Variants in TLN2 observed in about 807,000 individuals in gnomAD.
The protein encoded by TLN2 is talin 2, also known as talin-2.
TLN2 carries 118 observed loss-of-function variants against 294.7 expected under a neutral mutation model. That is an observed-to-expected ratio of 0.40 (90% CI 0.34 to 0.47). TLN2 has a LOEUF of 0.47. Ranked by LOEUF, TLN2 falls within the 20% of genes least tolerant of loss-of-function variation. TLN2 has a pLI of 0.84. For missense variants in TLN2, 3,083 were observed against 3,282.2 expected (o/e 0.94, Z 1.48); for synonymous variants, 1,431 against 1,304.5 (o/e 1.10, Z -2.09).
chr15:62,798,678 C>CT (rs949538031), intron 48 of TLN2, among the ~76,000 whole-genome samples: 19 of 152,352 alleles, frequency 1.2e-4, no homozygotes, highest in African/African-American at 4.6e-4. Context: ...TAGAAACCCC[C>CT]TGTCATTCAG....
chr15:62,665,727 A>G (rs969638558), intron 9 of TLN2, among the ~76,000 whole-genome samples: 8 of 152,152 alleles, frequency 5.3e-5, no homozygotes, highest in South Asian at 2.1e-4. Flanking sequence ...ACTGTCAACA[A>G]GCAAAGCTTT....
intron 9 of TLN2, among the ~76,000 whole-genome samples, chr15:62,662,189 C>A (rs1567291019): frequency 6.6e-6 from 1 of 150,426 alleles, no homozygotes. Flanking sequence ...AAAACAAAAG[C>A]AGAAAAAGGC....
chr15:62,644,801 A>G (rs1392050097), intron 3 of TLN2: 2 of 341,814 alleles, frequency 5.9e-6, no homozygotes, highest in South Asian at 2.3e-5. Context: ...GGTCCATGTC[A>G]TGGCTCTCTC....
chr15:62,567,210 A>G (rs951457883), intron 1 of TLN2, among the ~76,000 whole-genome samples: 9 of 152,204 alleles, frequency 5.9e-5, no homozygotes, highest in Non-Finnish European at 1.2e-4. Flanking sequence ...CGGATCATTC[A>G]GTTGTTTCCA....
intron 1 of TLN2, among the ~76,000 whole-genome samples, chr15:62,472,198 G>A (rs2037518609): frequency 6.6e-6 from 1 of 152,090 alleles, no homozygotes; most frequent in Non-Finnish European, 1.5e-5. Context: ...TTTGGGGTCT[G>A]TGTGCAAGTC....
Position 62,540,872 on chromosome 15 carries a change from A to C in TLN2, c.-237-48815A>C, listed in dbSNP as rs1596062337. On this transcript the variant is annotated intron_variant, in intron 1 of 58. Transcript: ENST00000636159. ...AGTAACAGAGCCAAGATATGCTCAT[A>C]TGTCCCTAATGCTTCATCGGGGCAC... is the stretch of plus-strand genomic sequence containing the variant. Among the ~76,000 whole-genome samples the C allele has an allele frequency of 2.6e-5, 4 of 152,266 alleles. No homozygotes were observed. The South Asian group carries it at 6.2e-4, about 24-fold the overall frequency.
intron 54 of TLN2, among the ~76,000 whole-genome samples, chr15:62,823,308 G>C (rs961916414): frequency 6.6e-6 from 1 of 152,168 alleles, no homozygotes; most frequent in Non-Finnish European, 1.5e-5. Flanking sequence ...ACTTTTGCAT[G>C]AAATATCTTC....
chr15:62,581,342 A>G (rs1417496399), intron 1 of TLN2, among the ~76,000 whole-genome samples: 1 of 152,112 alleles, frequency 6.6e-6, no homozygotes, highest in East Asian at 1.9e-4. Context: ...TTTTCTTTTT[A>G]GCACTGAATA....
intron 1 of TLN2, among the ~76,000 whole-genome samples, chr15:62,545,514 T>TTGTGTG (rs56777565): frequency 0.036 from 5,247 of 145,994 alleles, 131 homozygotes; most frequent in African/African-American, 0.064. Flanking sequence ...TTCTTTCTCT[T>TTGTGTG]TGTGTGTGTG....
At chr15:62,654,571 C>CT (rs2052974185) in intron 7 of TLN2, among the ~76,000 whole-genome samples, 4 of 151,510 alleles carry the variant, frequency 2.6e-5, no homozygotes, top group Non-Finnish European at 5.9e-5. Flanking sequence ...CTGACCAACA[C>CT]GGTGAAACCC....
At chr15:62,678,549 G>C (rs2056482999) in intron 11 of TLN2, among the ~76,000 whole-genome samples, 1 of 152,170 alleles carries the variant, frequency 6.6e-6, no homozygotes, top group Admixed American at 6.5e-5. Context: ...ATCTATAACA[G>C]GCTGGGCATG....
intron 12 of TLN2, among the ~76,000 whole-genome samples, chr15:62,691,913 A>G (rs998940953): frequency 1.7e-4 from 26 of 152,046 alleles, no homozygotes; most frequent in African/African-American, 6.3e-4. Context: ...GGCACAAGTG[A>G]TCCTCTCGCC....
At position 62,737,022 on chromosome 15, in the gene TLN2, T is replaced by C. The variant is rs748172460; in HGVS notation, c.3503T>C (p.Ile1168Thr). 1.2e-6 allele frequency: 2 copies of C among 1,614,190 alleles called. No homozygotes were observed. Among genetic ancestry groups the C allele is most frequent in the South Asian group, 2.2e-5 (2 of 91,088 alleles). ...GTGATGGAGGGCTCCGCCATGCTCA[T>C]TCAAGAGGCCAAGCAGGCCCTGATT... ...RDVMEGSAML[I>T]QEAKQALIAP... Residue 1168 changes from isoleucine (I) to threonine (T), a missense_variant, in exon 29 of 59, where the codon ATT becomes ACT. Ile to Thr is a moderately conservative substitution (Grantham distance 89). Coordinates refer to ENST00000636159, the MANE Select transcript of TLN2 (RefSeq NM_015059.3).
intron 51 of TLN2, among the ~76,000 whole-genome samples, chr15:62,808,941 A>T (rs950826030): frequency 1.3e-5 from 2 of 152,220 alleles, no homozygotes; most frequent in Non-Finnish European, 2.9e-5. Context: ...CATTCCTAGG[A>T]AGAGGGGCTT....
intron 3 of TLN2, among the ~76,000 whole-genome samples, chr15:62,629,522 T>C (rs2049586791): frequency 2.0e-5 from 3 of 152,162 alleles, no homozygotes; most frequent in African/African-American, 7.2e-5. Flanking sequence ...TGACCTGCCC[T>C]TTTGTGTTGA....
intron 3 of TLN2, among the ~76,000 whole-genome samples, chr15:62,632,795 T>G (rs1363371814): frequency 2.0e-5 from 3 of 152,220 alleles, no homozygotes; most frequent in Non-Finnish European, 4.4e-5. Context: ...TCGAGGTGGT[T>G]GTGCAGAATG....
At chr15:62,825,751 A>ATAT (rs1567686123) in intron 54 of TLN2, among the ~76,000 whole-genome samples, 46 of 105,868 alleles carry the variant, frequency 4.3e-4, no homozygotes, top group African/African-American at 2.0e-3. Flanking sequence ...TATATATTAA[A>ATAT]TATAATTATA....
At chr15:62,496,834 A>G (rs1382597748) in intron 1 of TLN2, among the ~76,000 whole-genome samples, 1 of 152,338 alleles carries the variant, frequency 6.6e-6, no homozygotes, top group East Asian at 1.9e-4. Context: ...TTATACACAC[A>G]TCAATGGCAT....
rs554264229 is a variant in TLN2, at chr15:62,555,275, C to T, written c.-237-34412C>T. Among the ~76,000 whole-genome samples, 5 of 152,182 alleles carry T rather than the reference C, an allele frequency of 3.3e-5. No individual in the cohort carries two copies. The South Asian group carries it at 8.3e-4, about 25-fold the overall frequency. On this transcript the variant is annotated intron_variant, in intron 1 of 58. Transcript: ENST00000636159. ...AAAATAGCAAGCAAACTTTTTTTTA[C>T]GTTACTAATTTTTCATTTGTGAATA...
Sources: allele counts gnomAD v4.1 joint callset (sites outside exome capture counted in the v4.1 genomes callset), GRCh38; gene constraint gnomAD v4.1.1; transcripts MANE v1.5; gene names NCBI Gene and HGNC (gene_info 2026-07-23, HGNC 2026-07-21).